ACOX3: variants seen among roughly 807,000 people sequenced by gnomAD.
The protein encoded by ACOX3 is acyl-CoA oxidase 3, pristanoyl.
Under a neutral mutation model 81.5 loss-of-function variants are expected in ACOX3, and 73 were observed. The observed-to-expected ratio is 0.90, with a 90% confidence interval of 0.74 to 1.09. ACOX3 has a LOEUF of 1.09. Among genes scored for constraint, ACOX3 ranks in the 50% least tolerant of loss-of-function variants. The probability of loss-of-function intolerance (pLI) is 0.00; values close to 1 mark genes in which losing one functional copy is unlikely to be tolerated. For missense variants in ACOX3, 947 were observed against 928.0 expected, an observed-to-expected ratio of 1.02 and a Z score of -0.27; for synonymous variants, 387 against 375.1, an observed-to-expected ratio of 1.03 and a Z score of -0.37.
In ACOX3 at chr4:8,419,119, A is replaced by T. The variant is rs961853580; in HGVS notation, c.-14-2584T>A. Among the ~76,000 whole-genome samples, 1 of 152,100 alleles carries T rather than the reference A, an allele frequency of 6.6e-6. No individual in the cohort carries two copies. Among genetic ancestry groups the T allele is most frequent in the African/African-American group, 2.4e-5 (1 of 41,396 alleles). On this transcript the variant is annotated intron_variant, in intron 1 of 17. Coordinates refer to ENST00000356406, the MANE Select transcript of ACOX3 (RefSeq NM_003501.3). This position sits in a 1 kb window ranked among gnomAD's most constrained non-coding sequence, Gnocchi z 4.2. Reference sequence around the variant, plus strand: ...AGTTTGAGACCAGCCTGGGTGATACAGCAAGACCTTATCTCTTAAAGAACC... The same window carrying T: ...AGTTTGAGACCAGCCTGGGTGATACTGCAAGACCTTATCTCTTAAAGAACC...
intron 14 of ACOX3, among the ~76,000 whole-genome samples, chr4:8,377,617 C>G (rs1049453407): frequency 1.3e-5 from 2 of 152,218 alleles, no homozygotes; most frequent in Non-Finnish European, 2.9e-5. Flanking sequence ...CCAGGATTTG[C>G]CTGCATGATA....
At chr4:8,428,024 G>A (rs533963035) in intron 1 of ACOX3, among the ~76,000 whole-genome samples, 23 of 152,366 alleles carry the variant, frequency 1.5e-4, no homozygotes, top group African/African-American at 5.5e-4. Flanking sequence ...GCAGTTTCTG[G>A]CAAGGAAGTG....
intron 1 of ACOX3, among the ~76,000 whole-genome samples, chr4:8,426,159 T>C (rs1346815857): frequency 6.6e-6 from 1 of 152,084 alleles, no homozygotes; most frequent in Non-Finnish European, 1.5e-5. Context: ...ATCACCTCCT[T>C]AGCCAAATAT....
chr4:8,419,577 A>G lies in ACOX3; in HGVS notation c.-14-3042T>C, dbSNP rs1477560773. On this transcript the variant is annotated intron_variant, in intron 1 of 17. Coordinates refer to ENST00000356406, the MANE Select transcript of ACOX3 (RefSeq NM_003501.3). This position sits in a 1 kb window ranked among gnomAD's most constrained non-coding sequence, Gnocchi z 4.2. ...TGGAGAACAGTGTGGCAGTTCCACA[A>G]GTGATTAAACATGGAGTGACCACAT... Among the ~76,000 whole-genome samples, 3 of 152,202 alleles carry G rather than the reference A, an allele frequency of 2.0e-5. No individual in the cohort carries two copies. Among genetic ancestry groups the G allele is most frequent in the Admixed American group, 6.5e-5 (1 of 15,284 alleles).
At chr4:8,365,909 G>A (rs992563086), downstream of ACOX3, among the ~76,000 whole-genome samples, 2 of 152,194 alleles carry the variant, frequency 1.3e-5, no homozygotes, top group African/African-American at 4.8e-5. Context: ...GTCTTATTTG[G>A]TTCGGCACCG....
At chr4:8,362,108 T>C (rs1715242626), downstream of ACOX3, among the ~76,000 whole-genome samples, 1 of 152,230 alleles carries the variant, frequency 6.6e-6, no homozygotes, top group South Asian at 2.1e-4. Context: ...AGGTGGTTTA[T>C]AACCAACTAT....
rs1468097247 is a variant in ACOX3, at chr4:8,385,174, T to C, written c.1538-3567A>G. On this transcript the variant is annotated intron_variant, in intron 13 of 17. Coordinates refer to ENST00000356406, the MANE Select transcript of ACOX3 (RefSeq NM_003501.3). The surrounding 1 kb of genome is among the most constrained non-coding windows in gnomAD (Gnocchi z 5.5). ...ACAGCGGGGGGCAGTGCTGACCCAATAGCCTGTGCTCCCACCCTCTGGGAG... is the reference window on the plus strand; with the variant it reads ...ACAGCGGGGGGCAGTGCTGACCCAACAGCCTGTGCTCCCACCCTCTGGGAG... Among the ~76,000 whole-genome samples the C allele has an allele frequency of 6.6e-6, 1 of 152,090 alleles. No homozygotes were observed. Among genetic ancestry groups the C allele is most frequent in the African/African-American group, 2.4e-5 (1 of 41,420 alleles).
Position 8,367,093 on chromosome 4 carries a change from C to G in ACOX3, c.1984-13G>C. 1 of 1,612,560 alleles carries G rather than the reference C, an allele frequency of 6.2e-7. No homozygotes were observed. Among genetic ancestry groups the G allele is most frequent in the Non-Finnish European group, 8.5e-7 (1 of 1,178,992 alleles). On this transcript the variant is annotated splice_polypyrimidine_tract_variant and intron_variant, in intron 17 of 17. Transcript: ENST00000356406. The stretch of plus-strand genomic sequence containing the variant: ...GGTTTTTGTAGAGCTGCAAACAACA[C>G]GTACACAGCAAGTGAAGACAAAGAA...
At chr4:8,425,326 C>A (rs776244874) in intron 1 of ACOX3, among the ~76,000 whole-genome samples, 4 of 151,954 alleles carry the variant, frequency 2.6e-5, no homozygotes, top group African/African-American at 9.7e-5. Flanking sequence ...AACCAAGCCC[C>A]AGTACTCAAA....
chr4:8,411,267 G>A (rs1402927701), intron 5 of ACOX3, among the ~76,000 whole-genome samples: 1 of 152,250 alleles, frequency 6.6e-6, no homozygotes, highest in Non-Finnish European at 1.5e-5. Context: ...GCTAGGGGCT[G>A]TCGTGGCTAA....
chr4:8,397,923 G>A (rs965419516), intron 8 of ACOX3, among the ~76,000 whole-genome samples: 6 of 152,276 alleles, frequency 3.9e-5, no homozygotes, highest in Non-Finnish European at 7.3e-5. Context: ...TGCTTTGGGA[G>A]GCTGAGGTGG....
Position 8,389,878 on chromosome 4 carries a change from G to A in ACOX3, c.1301-144C>T. On this transcript the variant is annotated intron_variant, in intron 11 of 17. Transcript: ENST00000356406. This position sits in a 1 kb window ranked among gnomAD's most constrained non-coding sequence, Gnocchi z 5.3. ...GCAGCACTTTGGGGGGCCGAGGCGG[G>A]TGGATCACTTGAAGCCAGGTGTTCA... 5 of 1,085,128 alleles carry A rather than the reference G, an allele frequency of 4.6e-6. No homozygotes were observed. Among genetic ancestry groups the A allele is most frequent in the Non-Finnish European group, 6.6e-6 (5 of 762,990 alleles). The allele number at this position is 1,085,128 out of a possible 1,614,324, so 67.2% of individuals were successfully genotyped here.
chr4:8,404,048 C>A (rs1463009841), intron 7 of ACOX3, among the ~76,000 whole-genome samples: 2 of 152,232 alleles, frequency 1.3e-5, no homozygotes, highest in African/African-American at 4.8e-5. Context: ...TTCTCCAGAA[C>A]AACACAGTGC....
Position 8,396,992 on chromosome 4 carries a change from C to A in ACOX3, c.1001G>T (p.Arg334Leu). The A allele has an allele frequency of 6.2e-7, 1 of 1,611,904 alleles. No individual in the cohort carries two copies. Among genetic ancestry groups the A allele is most frequent in the Non-Finnish European group, 8.5e-7 (1 of 1,179,184 alleles). ...AIALRFSATR[R>L]QFGPTEEEEI... ...CTCCTCCTCTGTGGGTCCAAACTGA[C>A]GCCGAGTGGCTGAGAAGCGAAGAGC... The change falls in exon 9 of 18, where the codon CGT becomes CTT. Residue 334 changes from arginine to leucine, a missense_variant. Physicochemically the swap from Arg to Leu is moderately radical, Grantham distance 102. Transcript: ENST00000356406.
At chr4:8,427,732 G>C (rs1436837735) in intron 1 of ACOX3, among the ~76,000 whole-genome samples, 1 of 152,220 alleles carries the variant, frequency 6.6e-6, no homozygotes, top group Non-Finnish European at 1.5e-5. Context: ...CATTGGGACC[G>C]GCCTGCCACC....
intron 1 of ACOX3, among the ~76,000 whole-genome samples, chr4:8,422,527 C>A (rs1390428094): frequency 6.6e-6 from 1 of 152,102 alleles, no homozygotes; most frequent in Admixed American, 6.6e-5. Flanking sequence ...CAGAACAGGA[C>A]AAACGGGCCC....
Position 8,370,914 on chromosome 4 carries a change from G to A in ACOX3, c.1977C>T (p.Asp659=), listed in dbSNP as rs752616861. The A allele has an allele frequency of 6.4e-5, 103 of 1,613,598 alleles. No individual in the cohort carries two copies. Among genetic ancestry groups the A allele is most frequent in the Non-Finnish European group, 7.9e-5 (93 of 1,179,916 alleles). Residue 659 remains aspartate (D), a synonymous_variant, in exon 17 of 18, where the codon GAC becomes GAT. Coordinates refer to ENST00000356406, the MANE Select transcript of ACOX3 (RefSeq NM_003501.3). The surrounding 1 kb of genome is among the most constrained non-coding windows in gnomAD (Gnocchi z 6.3). The part of the protein sequence containing the change: ...FVLDSPIGRA[D]GELYKNLWGA... ...GGCCCTGTCCTCCCTTTACCTCGCCGTCGGCTCTGCCAATCGGTGAGTCCA... is the reference window on the plus strand; with the variant it reads ...GGCCCTGTCCTCCCTTTACCTCGCCATCGGCTCTGCCAATCGGTGAGTCCA...
intron 7 of ACOX3, among the ~76,000 whole-genome samples, chr4:8,401,310 C>T (rs182158791): frequency 3.3e-5 from 5 of 152,252 alleles, no homozygotes; most frequent in East Asian, 1.9e-4. Flanking sequence ...TTTACTAAAC[C>T]ACAGAAGACT....
chr4:8,416,766 G>A lies in ACOX3; in HGVS notation c.-14-231C>T, dbSNP rs1348944863. ...ACACAGATGCCAAGGACACAGAAGAGAGCCAGGCACAGCCTGGGGGTCACC... is the reference window on the plus strand; with the variant it reads ...ACACAGATGCCAAGGACACAGAAGAAAGCCAGGCACAGCCTGGGGGTCACC... On this transcript the variant is annotated intron_variant, in intron 1 of 17. Transcript: ENST00000356406. The surrounding 1 kb of genome is among the most constrained non-coding windows in gnomAD (Gnocchi z 4.2). 2.0e-5 allele frequency among the ~76,000 whole-genome samples: 3 copies of A among 152,370 alleles called. No homozygotes were observed. Among genetic ancestry groups the A allele is most frequent in the Admixed American group, 1.3e-4 (2 of 15,308 alleles).
Sources: gnomAD v4.1 joint callset for allele counts (sites outside exome capture counted in the v4.1 genomes callset) on GRCh38, gnomAD v4.1.1 for gene constraint, Gnocchi (gnomAD v3.1) non-coding constraint, MANE v1.5 for transcripts, NCBI Gene and HGNC (gene_info 2026-07-23, HGNC 2026-07-21) for gene names.